LUZP2: variants seen among roughly 807,000 people sequenced by gnomAD.
The protein encoded by LUZP2 is leucine zipper protein 2.
In LUZP2, 52 loss-of-function variants were observed where a neutral mutation model predicts 51.6. That is an observed-to-expected ratio of 1.01 (90% CI 0.81 to 1.27). LUZP2 has a LOEUF of 1.27. Among genes scored for constraint, LUZP2 ranks in the 50% most tolerant of loss-of-function variants. The pLI is 0.00. For synonymous variants in LUZP2, 154 were observed against 137.3 expected, an observed-to-expected ratio of 1.12 and a Z score of -0.85; for missense variants, 436 against 395.4, an observed-to-expected ratio of 1.10 and a Z score of -0.87.
chr11:25,058,642 G>C (rs1041147378), intron 10 of LUZP2, among the ~76,000 whole-genome samples: 4 of 152,142 alleles, frequency 2.6e-5, no homozygotes, highest in African/African-American at 9.7e-5. Context: ...GAGGGCAAAG[G>C]CTATAAAAAT....
chr11:25,029,628 T>C (rs1338638275), intron 9 of LUZP2, among the ~76,000 whole-genome samples: 1 of 151,636 alleles, frequency 6.6e-6, no homozygotes, highest in Non-Finnish European at 1.5e-5. Context: ...TCCCAGCTAC[T>C]TGGGAGGCTG....
At chr11:24,963,566 A>G (rs1305332143) in intron 7 of LUZP2, among the ~76,000 whole-genome samples, 1 of 151,722 alleles carries the variant, frequency 6.6e-6, no homozygotes, top group African/African-American at 2.4e-5. Context: ...GGACCCTCCG[A>G]GCCATGTGCG....
intron 1 of LUZP2, among the ~76,000 whole-genome samples, chr11:24,640,475 C>G (rs1855241363): frequency 6.6e-6 from 1 of 151,864 alleles, no homozygotes; most frequent in South Asian, 2.1e-4. Context: ...TTGGTTTGAG[C>G]ACTTGTATTT....
chr11:24,498,292 G>A (rs1849891818), intron 1 of LUZP2, among the ~76,000 whole-genome samples: 1 of 152,192 alleles, frequency 6.6e-6, no homozygotes, highest in Admixed American at 6.5e-5. Context: ...ATTTGATTGT[G>A]CATCTGATGG....
intron 1 of LUZP2, among the ~76,000 whole-genome samples, chr11:24,670,230 T>A (rs1475778875): frequency 6.6e-6 from 1 of 152,040 alleles, no homozygotes; most frequent in Non-Finnish European, 1.5e-5. Flanking sequence ...TATTGACAGC[T>A]CTGTGACCAC....
At chr11:24,910,045 T>A (rs897659189) in intron 6 of LUZP2, among the ~76,000 whole-genome samples, 3 of 152,112 alleles carry the variant, frequency 2.0e-5, no homozygotes, top group Non-Finnish European at 4.4e-5. Context: ...ATGAAGAACT[T>A]GTTGGGAACT....
chr11:24,956,598 G>A (rs1436095952), intron 7 of LUZP2, among the ~76,000 whole-genome samples: 5 of 152,224 alleles, frequency 3.3e-5, no homozygotes, highest in South Asian at 4.1e-4. Flanking sequence ...ACATAATGGA[G>A]TTCTGTTCAC....
intron 5 of LUZP2, among the ~76,000 whole-genome samples, chr11:24,828,305 A>G (rs888105613): frequency 4.6e-5 from 7 of 152,120 alleles, no homozygotes; most frequent in African/African-American, 1.2e-4. Flanking sequence ...TACTGGAATG[A>G]CTGATTTCAT....
chr11:25,023,713 T>G (rs969084565), intron 9 of LUZP2, among the ~76,000 whole-genome samples: 3 of 152,178 alleles, frequency 2.0e-5, no homozygotes, highest in Non-Finnish European at 4.4e-5. Context: ...CTAGTTATTT[T>G]AATTGTGATG....
At chr11:24,864,875 C>A (rs1207913982) in intron 5 of LUZP2, among the ~76,000 whole-genome samples, 3 of 152,118 alleles carry the variant, frequency 2.0e-5, no homozygotes, top group Non-Finnish European at 2.9e-5. Context: ...ATACAGGATC[C>A]ATAAACAACA....
At chr11:24,572,678 A>T (rs1479130886) in intron 1 of LUZP2, among the ~76,000 whole-genome samples, 1 of 152,136 alleles carries the variant, frequency 6.6e-6, no homozygotes, top group East Asian at 1.9e-4. Context: ...AGACAGCTTG[A>T]TGTCTCTCTG....
intron 5 of LUZP2, among the ~76,000 whole-genome samples, chr11:24,806,380 G>A (rs1325461391): frequency 2.0e-5 from 3 of 152,090 alleles, no homozygotes; most frequent in African/African-American, 7.2e-5. Flanking sequence ...CTCCACTATT[G>A]CCAGAGTTTG....
intron 9 of LUZP2, among the ~76,000 whole-genome samples, chr11:25,006,590 A>G (rs11028335): frequency 0.38 from 57,276 of 152,036 alleles, 13,292 homozygotes; most frequent in East Asian, 0.78. Context: ...GTCGCTTTTA[A>G]CTGGCCAACA....
At chr11:24,998,188 T>G (rs1856566071) in intron 9 of LUZP2, among the ~76,000 whole-genome samples, 1 of 152,174 alleles carries the variant, frequency 6.6e-6, no homozygotes, top group Non-Finnish European at 1.5e-5. Context: ...GGGATGGCAT[T>G]GAATCTGTAA....
At chr11:25,036,881 T>G (rs368435298) in intron 9 of LUZP2, among the ~76,000 whole-genome samples, 18 of 152,148 alleles carry the variant, frequency 1.2e-4, no homozygotes, top group African/African-American at 4.3e-4. Context: ...ATTGAACATG[T>G]TGTCTCTCTT....
At chr11:24,658,274 A>C (rs191569962) in intron 1 of LUZP2, among the ~76,000 whole-genome samples, 19 of 152,336 alleles carry the variant, frequency 1.2e-4, no homozygotes, top group African/African-American at 4.3e-4. Context: ...AATGCCGCCT[A>C]TCTACAACTA....
chr11:24,832,020 A>G (rs1038767601), intron 5 of LUZP2: 1 of 152,584 alleles, frequency 6.6e-6, no homozygotes, highest in Non-Finnish European at 1.5e-5. Context: ...TATTAGATAC[A>G]AAATAAATAT....
In LUZP2 at chr11:25,080,111, G is replaced by A. The variant is rs1859423504; in HGVS notation, c.*1453G>A. The A allele has an allele frequency of 6.6e-6, 1 of 152,138 alleles. No homozygotes were observed. Among genetic ancestry groups the A allele is most frequent in the South Asian group, 2.1e-4 (1 of 4,820 alleles). 9.4% of individuals were successfully genotyped at this position (152,138 alleles called of 1,614,324 possible). ...TAGTTCAGTGTCATTCATTAGCACA[G>A]GCAGGTCCCAACCACAATGGTTCAA... On this transcript the variant is annotated 3_prime_UTR_variant, in exon 12 of 12. Coordinates refer to ENST00000336930, the MANE Select transcript of LUZP2 (RefSeq NM_001009909.4).
chr11:24,909,511 A>G (rs1325931127), intron 6 of LUZP2, among the ~76,000 whole-genome samples: 5 of 151,868 alleles, frequency 3.3e-5, no homozygotes, highest in African/African-American at 1.2e-4. Context: ...AAAAAAAAAA[A>G]ACAAAAGAAG....
Sources: gnomAD v4.1 joint callset for allele counts (sites outside exome capture counted in the v4.1 genomes callset) on GRCh38, gnomAD v4.1.1 for gene constraint, MANE v1.5 for transcripts, NCBI Gene and HGNC (gene_info 2026-07-23, HGNC 2026-07-21) for gene names.